Variants in RYR3 observed in about 807,000 individuals in gnomAD.
RYR3 encodes the protein ryanodine receptor 3, also known as brain ryanodine receptor-calcium release channel.
RYR3 carries 207 observed loss-of-function variants against 584.3 expected under a neutral mutation model. The ratio of observed to expected loss-of-function variants is 0.35; its 90% confidence interval spans 0.32 to 0.40. The LOEUF is 0.40. RYR3 is among the 10% of genes least tolerant of loss of function. The probability of loss-of-function intolerance (pLI) is 1.00; values close to 1 mark genes in which losing one functional copy is unlikely to be tolerated. For missense variants in RYR3, 5,616 were observed against 6,089.2 expected (o/e 0.92, Z 2.59); for synonymous variants, 2,416 against 2,248.5 (o/e 1.07, Z -2.11).
chr15:33,354,721 G>A (rs1973727518), intron 1 of RYR3, among the ~76,000 whole-genome samples: 1 of 152,122 alleles, frequency 6.6e-6, no homozygotes, highest in Non-Finnish European at 1.5e-5. Flanking sequence ...TCTTTCAGGA[G>A]GTGGTTTATC....
chr15:33,477,970 C>G (rs1031546403), intron 2 of RYR3, among the ~76,000 whole-genome samples: 1 of 148,932 alleles, frequency 6.7e-6, no homozygotes, highest in Non-Finnish European at 1.5e-5. Flanking sequence ...TTCATTTTAT[C>G]GATAGCAAAT....
intron 80 of RYR3, 122 bp from the exon 81 acceptor site, chr15:33,822,874 C>G (rs1346437302): frequency 7.4e-6 from 5 of 675,270 alleles, no homozygotes; most frequent in Non-Finnish European, 1.2e-5. Context: ...CCATGGGACT[C>G]TGATTCCATA....
intron 3 of RYR3, among the ~76,000 whole-genome samples, chr15:33,513,218 T>C (rs575466352): frequency 1.5e-3 from 234 of 152,320 alleles, no homozygotes; most frequent in African/African-American, 5.3e-3. Flanking sequence ...AATTACATAT[T>C]TGTAGTGAGA....
At chr15:33,416,524 T>G (rs2043820692) in intron 1 of RYR3, among the ~76,000 whole-genome samples, 1 of 152,212 alleles carries the variant, frequency 6.6e-6, no homozygotes, top group South Asian at 2.1e-4. Flanking sequence ...CTTCGCTTAC[T>G]TTTTAATGGG....
intron 1 of RYR3, among the ~76,000 whole-genome samples, chr15:33,339,122 C>T (rs968822808): frequency 3.9e-5 from 6 of 152,118 alleles, no homozygotes; most frequent in African/African-American, 1.2e-4. Flanking sequence ...AAGGAAAAAG[C>T]GGACATTTTT....
Position 33,662,520 on chromosome 15 carries a change from G to A in RYR3, c.4990G>A (p.Gly1664Arg), listed in dbSNP as rs776862265. The A allele has an allele frequency of 6.8e-6, 11 of 1,614,038 alleles. No individual in the cohort carries two copies. Among genetic ancestry groups the A allele is most frequent in the South Asian group, 5.5e-5 (5 of 91,084 alleles). Residue 1664 changes from glycine to arginine, a missense_variant, in exon 35 of 104, where the codon GGG (glycine) becomes AGG (arginine). Gly to Arg is a moderately radical substitution (Grantham distance 125). Transcript: ENST00000634891. ...GGGCCTGAGAACATGTCTCAAGCCC[G>A]GGTTCAGGTTCTCCACCCCTTGCTT... Reference protein sequence around the residue: ...GVGLRTCLKPGFRFSTPCFVV... With the variant: ...GVGLRTCLKPRFRFSTPCFVV...
At chr15:33,566,872 T>C in intron 12 of RYR3, 73 bp downstream of exon 12, 1 of 1,499,354 alleles carries the variant, frequency 6.7e-7, no homozygotes. Flanking sequence ...ACCCACCTCC[T>C]TTTGATACTG....
rs566370862 is a variant in RYR3, at chr15:33,603,444, C to T, written c.2164+80C>T. 389 of 1,413,992 alleles carry T rather than the reference C, an allele frequency of 2.8e-4. 2 individuals carry two copies. The South Asian group carries it at 3.3e-3, about 12-fold the overall frequency. The allele number at this position is 1,413,992 out of a possible 1,614,324, so 87.6% of individuals were successfully genotyped here. ...CAAATTATTCAAGCTGAAATGACCA[C>T]TTCCATTTGAAATGATACAGACTCA... On this transcript the variant is annotated intron_variant, in intron 18 of 103. Coordinates refer to ENST00000634891, the MANE Select transcript of RYR3 (RefSeq NM_001036.6).
At chr15:33,366,815 T>A (rs1214006369) in intron 1 of RYR3, among the ~76,000 whole-genome samples, 1 of 152,044 alleles carries the variant, frequency 6.6e-6, no homozygotes, top group Non-Finnish European at 1.5e-5. Flanking sequence ...TTATACATAG[T>A]CCAAATGGAG....
intron 2 of RYR3, among the ~76,000 whole-genome samples, chr15:33,485,816 C>T (rs2142406842): frequency 6.6e-6 from 1 of 152,152 alleles, no homozygotes; most frequent in Non-Finnish European, 1.5e-5. Context: ...CAAAGTGTTG[C>T]CAGGCAAGTA....
intron 38 of RYR3, among the ~76,000 whole-genome samples, chr15:33,683,283 C>T (rs1012923828): frequency 3.3e-5 from 5 of 151,638 alleles, no homozygotes; most frequent in Middle Eastern, 3.4e-3. Flanking sequence ...TGTGAGCCAC[C>T]GCGCCCAGCC....
intron 7 of RYR3, among the ~76,000 whole-genome samples, chr15:33,542,045 C>T (rs2055864119): frequency 6.6e-6 from 1 of 152,078 alleles, no homozygotes; most frequent in African/African-American, 2.4e-5. Context: ...GGAGTGTTTG[C>T]AAATCATGTC....
rs549264709 is a variant in RYR3 at position 33,611,722 on chromosome 15, G to A, written c.2165-1461G>A. 2.0e-5 allele frequency among the ~76,000 whole-genome samples: 3 copies of A among 152,170 alleles called. No individual in the cohort carries two copies. The East Asian group carries it at 5.8e-4, about 29-fold the overall frequency. On this transcript the variant is annotated intron_variant, in intron 18 of 103. Coordinates refer to ENST00000634891, the MANE Select transcript of RYR3 (RefSeq NM_001036.6). ...CGCCCAGGCTGGAGCGCAGTGGCAT[G>A]ATCTCAGCTCACCTCAGCCTCCACC...
At chr15:33,862,460 G>C (rs763575321) in intron 102 of RYR3, among the ~76,000 whole-genome samples, 15 of 152,100 alleles carry the variant, frequency 9.9e-5, no homozygotes, top group Non-Finnish European at 1.3e-4. Flanking sequence ...ACCCACCTTG[G>C]CCTCCCAGAG....
chr15:33,815,888 G>C, intron 74 of RYR3: 1 of 398,502 alleles, frequency 2.5e-6, no homozygotes. Flanking sequence ...GGCTGGAAAA[G>C]GTTAATGAAA....
At chr15:33,389,072 T>C (rs532701665) in intron 1 of RYR3, among the ~76,000 whole-genome samples, 33 of 114,882 alleles carry the variant, frequency 2.9e-4, no homozygotes, top group Non-Finnish European at 5.2e-4. Flanking sequence ...CACTGGGGAC[T>C]GTTTTGGGGT....
chr15:33,345,347 C>T (rs551536081), intron 1 of RYR3, among the ~76,000 whole-genome samples: 2 of 152,004 alleles, frequency 1.3e-5, no homozygotes, highest in African/African-American at 2.4e-5. Context: ...TCAGCAGCTA[C>T]TATTATTATT....
intron 1 of RYR3, among the ~76,000 whole-genome samples, chr15:33,359,582 T>C (rs1460397791): frequency 6.6e-6 from 1 of 151,816 alleles, no homozygotes; most frequent in Non-Finnish European, 1.5e-5. Flanking sequence ...TAGAGAGGCC[T>C]TCCCTGACCC....
chr15:33,335,641 CAT>C (rs997794638), intron 1 of RYR3, among the ~76,000 whole-genome samples: 11 of 151,712 alleles, frequency 7.3e-5, no homozygotes, highest in African/African-American at 2.2e-4. Context: ...CCCCATGACA[CAT>C]GTTACATATG....
Sources: gnomAD v4.1 joint callset for allele counts (sites outside exome capture counted in the v4.1 genomes callset) on GRCh38, gnomAD v4.1.1 for gene constraint, MANE v1.5 for transcripts, NCBI Gene and HGNC (gene_info 2026-07-23, HGNC 2026-07-21) for gene names.